The following FMNL2 variants were observed in gnomAD, a reference collection of about 807,000 sequenced individuals.
FMNL2 encodes formin like 2.
A neutral mutation model predicts 130.2 loss-of-function variants in FMNL2; 51 were observed. The observed-to-expected ratio is 0.39, with a 90% CI of 0.31 to 0.49. The LOEUF (loss-of-function observed/expected upper bound fraction) is 0.49. Ranked by LOEUF, FMNL2 falls within the 20% of genes least tolerant of loss-of-function variation. FMNL2 has a pLI of 0.85. For synonymous variants in FMNL2, 465 were observed against 467.1 expected (o/e 1.00, Z 0.06); for missense variants, 977 against 1,316.2 (o/e 0.74, Z 3.99).
At chr2:152,376,028 G>A (rs1347620387) in intron 1 of FMNL2, among the ~76,000 whole-genome samples, 4 of 151,822 alleles carry the variant, frequency 2.6e-5, no homozygotes, top group Non-Finnish European at 4.4e-5. Flanking sequence ...CAAGTAGCTG[G>A]GATTACAGGC....
At chr2:152,637,472 G>T (rs16831465) in intron 22 of FMNL2, 101 bp from the exon 23 acceptor site, 14,413 of 867,434 alleles carry the variant, frequency 0.017, 227 homozygotes, top group African/African-American at 0.06. Context: ...GGCCATGGGA[G>T]CCTCTGTCTT....
At chr2:152,504,345 C>G (rs927994937) in intron 1 of FMNL2, among the ~76,000 whole-genome samples, 3 of 151,002 alleles carry the variant, frequency 2.0e-5, no homozygotes, top group African/African-American at 7.3e-5. Context: ...CTCCTAGGTT[C>G]AAGAGATTCT....
intron 2 of FMNL2, among the ~76,000 whole-genome samples, chr2:152,538,365 C>CACCTCCTGGGTTCAAGTAA (rs1694116989): frequency 6.6e-6 from 1 of 152,070 alleles, no homozygotes; most frequent in Non-Finnish European, 1.5e-5. Context: ...CTGCAAGCCC[C>CACCTCCTGGGTTCAAGTAA]ACCTCCTGGG....
chr2:152,498,927 G>T (rs1691661540), intron 1 of FMNL2, among the ~76,000 whole-genome samples: 1 of 152,178 alleles, frequency 6.6e-6, no homozygotes, highest in South Asian at 2.1e-4. Context: ...CTTAATTAGT[G>T]AAGGAATTTG....
intron 7 of FMNL2, chr2:152,578,587 A>G (rs952347988): frequency 7.1e-6 from 1 of 141,738 alleles, no homozygotes; most frequent in Non-Finnish European, 1.5e-5. Context: ...ATCATTGCCG[A>G]TTTTTTTTTT....
At chr2:152,610,732 G>T (rs1698628993) in intron 10 of FMNL2, among the ~76,000 whole-genome samples, 1 of 152,128 alleles carries the variant, frequency 6.6e-6, no homozygotes, top group African/African-American at 2.4e-5. Flanking sequence ...TGTTATTAAT[G>T]ATGTTACTCT....
At chr2:152,548,093 G>C (rs550028576) in intron 3 of FMNL2, among the ~76,000 whole-genome samples, 5 of 152,160 alleles carry the variant, frequency 3.3e-5, no homozygotes, top group Non-Finnish European at 5.9e-5. Context: ...GGAAGGGTAG[G>C]TGGGATTTTA....
chr2:152,503,684 C>A (rs915451018), intron 1 of FMNL2, among the ~76,000 whole-genome samples: 5 of 152,102 alleles, frequency 3.3e-5, no homozygotes, highest in African/African-American at 1.2e-4. Flanking sequence ...AGATCAAGAA[C>A]ATTATTTACC....
intron 4 of FMNL2, among the ~76,000 whole-genome samples, chr2:152,556,903 T>C (rs1695237870): frequency 6.6e-6 from 1 of 151,920 alleles, no homozygotes; most frequent in Admixed American, 6.6e-5. Flanking sequence ...GTGATTATTT[T>C]TCATATTAAA....
chr2:152,352,835 G>A (rs183792523), intron 1 of FMNL2, among the ~76,000 whole-genome samples: 1 of 114,840 alleles, frequency 8.7e-6, no homozygotes, highest in East Asian at 2.7e-4. Flanking sequence ...TGTTGTTACA[G>A]CTTGAAGGCT....
At chr2:152,505,042 C>A (rs979690725) in intron 1 of FMNL2, among the ~76,000 whole-genome samples, 6 of 152,154 alleles carry the variant, frequency 3.9e-5, no homozygotes, top group Non-Finnish European at 8.8e-5. Flanking sequence ...TGATATTTCC[C>A]TCTGTTTATC....
intron 12 of FMNL2, 88 bp from the exon 13 acceptor site, chr2:152,617,003 T>TA: frequency 9.0e-7 from 1 of 1,115,430 alleles, no homozygotes; most frequent in Non-Finnish European, 1.3e-6. Flanking sequence ...CCCTGGTCCC[T>TA]AATAATCTTG....
intron 1 of FMNL2, among the ~76,000 whole-genome samples, chr2:152,378,974 A>G: frequency 7.2e-6 from 1 of 139,346 alleles, no homozygotes; most frequent in South Asian, 2.6e-4. Flanking sequence ...GAAGGACTGA[A>G]TAGACCAGCT....
chr2:152,390,426 A>G (rs1255813566), intron 1 of FMNL2: 1 of 1,173,410 alleles, frequency 8.5e-7, no homozygotes, highest in African/African-American at 1.5e-5. Context: ...CAGTGACCCT[A>G]AGATCAATAC....
intron 1 of FMNL2, among the ~76,000 whole-genome samples, chr2:152,393,985 A>C (rs1430469001): frequency 6.6e-6 from 1 of 152,166 alleles, no homozygotes; most frequent in East Asian, 1.9e-4. Context: ...TTCTTAGCTC[A>C]CGGGCTGTAG....
rs1269750291 is a variant in FMNL2, at chr2:152,647,607, TTTTG to T, written c.3170-184_3170-181del. On this transcript the variant is annotated intron_variant, in intron 25 of 25. Coordinates refer to ENST00000288670, the MANE Select transcript of FMNL2 (RefSeq NM_052905.4). ...AGAATCCTACCAGTATTACATCCTG[TTTTG>T]TTTGATTGTAAATATTGAAGGCAAA... is the stretch of plus-strand genomic sequence containing the variant. 5.3e-5 allele frequency among the ~76,000 whole-genome samples: 8 copies of T among 152,204 alleles called. 1 individual carries two copies. The East Asian group carries it at 9.6e-4, about 18-fold the overall frequency.
At chr2:152,342,192 G>A (rs1560280773) in intron 1 of FMNL2, among the ~76,000 whole-genome samples, 1 of 152,162 alleles carries the variant, frequency 6.6e-6, no homozygotes, top group Non-Finnish European at 1.5e-5. Context: ...CATATTTAGA[G>A]CTTGGGGAAT....
At chr2:152,506,437 ATATAG>A (rs3047921) in intron 1 of FMNL2, among the ~76,000 whole-genome samples, 58,986 of 151,662 alleles carry the variant, frequency 0.39, 13,786 homozygotes, top group Non-Finnish European at 0.54. Flanking sequence ...ATAATACCTG[ATATAG>A]TATAAATGTT....
intron 1 of FMNL2, among the ~76,000 whole-genome samples, chr2:152,369,992 G>C (rs958707212): frequency 1.3e-5 from 2 of 152,160 alleles, no homozygotes; most frequent in Non-Finnish European, 2.9e-5. Context: ...AGCCTATAGG[G>C]AAGAAGGGTG....
Sources: gnomAD v4.1 joint callset for allele counts (sites outside exome capture counted in the v4.1 genomes callset) on GRCh38, gnomAD v4.1.1 for gene constraint, MANE v1.5 for transcripts, NCBI Gene and HGNC (gene_info 2026-07-23, HGNC 2026-07-21) for gene names.